Variants in ESRRG observed in about 807,000 individuals in gnomAD.
The protein encoded by ESRRG is estrogen related receptor gamma.
In ESRRG, 13 loss-of-function variants were observed where a neutral mutation model predicts 44.0. The ratio of observed to expected loss-of-function variants is 0.30; its 90% CI spans 0.19 to 0.47. The LOEUF (loss-of-function observed/expected upper bound fraction) is 0.47. Ranked by LOEUF, ESRRG falls within the 20% of genes least tolerant of loss-of-function variation. The pLI is 1.00. For synonymous variants in ESRRG, 215 were observed against 214.6 expected (o/e 1.00, Z -0.02); for missense variants, 395 against 580.6 (o/e 0.68, Z 3.29).
chr1:216,684,400 T>A (rs974279674), intron 1 of ESRRG, among the ~76,000 whole-genome samples: 2 of 152,238 alleles, frequency 1.3e-5, no homozygotes, highest in Non-Finnish European at 2.9e-5. Flanking sequence ...TATCCTTAGC[T>A]TGTTTTCTTG....
At chr1:217,101,193 A>G (rs777722767) in intron 1 of ESRRG, among the ~76,000 whole-genome samples, 1 of 152,224 alleles carries the variant, frequency 6.6e-6, no homozygotes, top group Non-Finnish European at 1.5e-5. Context: ...TAAGGAGCAC[A>G]TGCTCCAGAA....
At chr1:216,925,556 A>G (rs2062432405) in intron 2 of ESRRG, among the ~76,000 whole-genome samples, 1 of 152,180 alleles carries the variant, frequency 6.6e-6, no homozygotes, top group Non-Finnish European at 1.5e-5. Flanking sequence ...CAAGAGAAGA[A>G]CATGCCCCTG....
intron 3 of ESRRG, among the ~76,000 whole-genome samples, chr1:216,625,218 T>A (rs2062967092): frequency 6.6e-6 from 1 of 152,064 alleles, no homozygotes; most frequent in Non-Finnish European, 1.5e-5. Context: ...ACAATAATAA[T>A]AGCTTTGTTC....
chr1:216,690,486 G>A (rs1355750459), intron 1 of ESRRG, among the ~76,000 whole-genome samples: 1 of 152,086 alleles, frequency 6.6e-6, no homozygotes, highest in East Asian at 1.9e-4. Context: ...TCTGGAGCAA[G>A]GAGTGAGGAT....
At chr1:216,565,350 T>C (rs1000077701) in intron 4 of ESRRG, among the ~76,000 whole-genome samples, 1 of 152,160 alleles carries the variant, frequency 6.6e-6, no homozygotes, top group Non-Finnish European at 1.5e-5. Flanking sequence ...AGTGAGGAGA[T>C]ACAAACGGGT....
At chr1:216,600,207 G>C (rs1040055861) in intron 3 of ESRRG, among the ~76,000 whole-genome samples, 75 of 152,200 alleles carry the variant, frequency 4.9e-4, no homozygotes, top group Admixed American at 1.2e-3. Context: ...TGACTAGGCA[G>C]AGCAGAGAGG....
At chr1:216,865,371 C>T (rs1032467666) in intron 2 of ESRRG, among the ~76,000 whole-genome samples, 5 of 151,836 alleles carry the variant, frequency 3.3e-5, no homozygotes, top group African/African-American at 4.8e-5. Flanking sequence ...TTTAAATGAA[C>T]ATTGCTCAGG....
intron 2 of ESRRG, among the ~76,000 whole-genome samples, chr1:216,730,238 A>T (rs1245820504): frequency 6.6e-6 from 1 of 151,226 alleles, no homozygotes; most frequent in Non-Finnish European, 1.5e-5. Flanking sequence ...GGGAGTTCTG[A>T]ACCTAAGAGA....
At chr1:216,564,454 G>T in intron 4 of ESRRG, 74 bp from the exon 5 acceptor site, 1 of 1,235,454 alleles carries the variant, frequency 8.1e-7, no homozygotes, top group Non-Finnish European at 1.1e-6. Context: ...AGAGCATTTT[G>T]TGTTTTGAAA....
chr1:216,520,079 A>G (rs1227531042), intron 5 of ESRRG, among the ~76,000 whole-genome samples: 1 of 152,138 alleles, frequency 6.6e-6, no homozygotes, highest in African/African-American at 2.4e-5. Flanking sequence ...TGGCCTCCCC[A>G]CCAAAGAGAA....
chr1:216,542,261 A>G (rs1270482433), intron 5 of ESRRG, among the ~76,000 whole-genome samples: 1 of 151,642 alleles, frequency 6.6e-6, no homozygotes, highest in Admixed American at 6.6e-5. Context: ...TGTTCCTCCC[A>G]GATGTGGGAC....
At chr1:216,936,171 G>C (rs1578357350) in intron 2 of ESRRG, among the ~76,000 whole-genome samples, 1 of 152,028 alleles carries the variant, frequency 6.6e-6, no homozygotes, top group South Asian at 2.1e-4. Flanking sequence ...GTGAAGGTTG[G>C]GGGTGTTGTG....
intron 2 of ESRRG, among the ~76,000 whole-genome samples, chr1:216,889,853 G>A (rs2057531500): frequency 6.6e-6 from 1 of 152,124 alleles, no homozygotes; most frequent in African/African-American, 2.4e-5. Flanking sequence ...TATAGAAAGT[G>A]GAGGAAAAGA....
At chr1:216,883,133 T>A (rs940956215) in intron 2 of ESRRG, among the ~76,000 whole-genome samples, 101 of 152,190 alleles carry the variant, frequency 6.6e-4, no homozygotes, top group African/African-American at 2.3e-3. Flanking sequence ...ATCCCAGCAC[T>A]TTGGGAGGCC....
chr1:216,600,323 C>T (rs1370530601), intron 3 of ESRRG, among the ~76,000 whole-genome samples: 1 of 152,062 alleles, frequency 6.6e-6, no homozygotes, highest in Non-Finnish European at 1.5e-5. Context: ...AGTGAACCCC[C>T]ACATAAACTA....
intron 5 of ESRRG, among the ~76,000 whole-genome samples, chr1:216,527,773 C>T (rs2048116214): frequency 6.6e-6 from 1 of 152,104 alleles, no homozygotes; most frequent in Admixed American, 6.6e-5. Flanking sequence ...CACTGGGTAG[C>T]ATCTAAGGGC....
intron 2 of ESRRG, among the ~76,000 whole-genome samples, chr1:216,659,012 CTT>C (rs2071534561): frequency 6.6e-6 from 1 of 152,116 alleles, no homozygotes; most frequent in African/African-American, 2.4e-5. Context: ...AACTAGTTGC[CTT>C]TGTTACCCTC....
intron 1 of ESRRG, among the ~76,000 whole-genome samples, chr1:216,977,589 G>A (rs1376385967): frequency 6.6e-6 from 1 of 152,084 alleles, no homozygotes; most frequent in Non-Finnish European, 1.5e-5. Flanking sequence ...CAGCTGGCAG[G>A]TGCCGGGGCC....
chr1:216,846,459 A>G (rs1454677188), intron 2 of ESRRG, among the ~76,000 whole-genome samples: 1 of 152,138 alleles, frequency 6.6e-6, no homozygotes, highest in African/African-American at 2.4e-5. Context: ...CTCTGTTTCA[A>G]CTACTCATTT....
Sources: gnomAD v4.1 joint callset for allele counts (sites outside exome capture counted in the v4.1 genomes callset) on GRCh38, gnomAD v4.1.1 for gene constraint, MANE v1.5 for transcripts, NCBI Gene and HGNC (gene_info 2026-07-23, HGNC 2026-07-21) for gene names.